Variants in NPAS3 observed in about 807,000 individuals in gnomAD.
NPAS3 encodes neuronal PAS domain-containing protein 3.
In NPAS3, 14 loss-of-function variants were observed where a neutral mutation model predicts 73.1. That is an observed-to-expected ratio of 0.19 (90% CI 0.13 to 0.30). NPAS3 has a LOEUF of 0.30. Ranked by LOEUF, NPAS3 falls within the 10% of genes least tolerant of loss-of-function variation. The pLI is 1.00. For synonymous variants in NPAS3, 620 were observed against 541.5 expected (o/e 1.14, Z -2.01); for missense variants, 1,096 against 1,250.0 (o/e 0.88, Z 1.86).
At chr14:33,207,586 A>C (rs1457237256) in intron 2 of NPAS3, among the ~76,000 whole-genome samples, 1 of 152,218 alleles carries the variant, frequency 6.6e-6, no homozygotes, top group Non-Finnish European at 1.5e-5. Context: ...CTAGTAAACT[A>C]TAGCAGTTTG....
intron 4 of NPAS3, among the ~76,000 whole-genome samples, chr14:33,522,736 G>C (rs574420635): frequency 6.6e-6 from 1 of 151,990 alleles, no homozygotes; most frequent in African/African-American, 2.4e-5. Context: ...TACTCCTTTG[G>C]TTATATGTAT....
chr14:33,168,209 A>G (rs2045241380), intron 2 of NPAS3, among the ~76,000 whole-genome samples: 1 of 152,208 alleles, frequency 6.6e-6, no homozygotes, highest in Non-Finnish European at 1.5e-5. Context: ...ATATGCAAAC[A>G]TTAAAGTTGG....
At position 33,357,138 on chromosome 14, in the gene NPAS3, C is replaced by T. The variant is rs983417842; in HGVS notation, c.386-10048C>T. Among the ~76,000 whole-genome samples the T allele has an allele frequency of 3.9e-5, 6 of 152,262 alleles. 1 individual carries two copies. Among genetic ancestry groups the T allele is most frequent in the Middle Eastern group, 6.8e-3 (2 of 294 alleles). ...TAAGACCTAGCTCCTGCATAGTTACCGTTGAAAATTGTGTGGGCTTTTGTT... is the reference window on the plus strand; with the variant it reads ...TAAGACCTAGCTCCTGCATAGTTACTGTTGAAAATTGTGTGGGCTTTTGTT... On this transcript the variant is annotated intron_variant, in intron 3 of 11. Transcript: ENST00000356141.
Position 33,800,262 on chromosome 14 carries a change from T to C in NPAS3, c.1955T>C (p.Ile652Thr), listed in dbSNP as rs1472508607. 2.0e-5 allele frequency: 32 copies of C among 1,613,198 alleles called. No individual in the cohort carries two copies. Among genetic ancestry groups the C allele is most frequent in the Non-Finnish European group, 2.6e-5 (31 of 1,179,664 alleles). The change falls in exon 12 of 12, where the codon ATC becomes ACC. Residue 652 changes from isoleucine to threonine, a missense_variant. Transcript: ENST00000356141. The surrounding 1 kb of genome is among the most constrained non-coding windows in gnomAD (Gnocchi z 6.5). Reference sequence around the variant, plus strand: ...TCGGTGCTCAAGATCAAGACGGAGATCTCAGAACCCATCAATTTCGACAAT... The same window carrying C: ...TCGGTGCTCAAGATCAAGACGGAGACCTCAGAACCCATCAATTTCGACAAT...
chr14:33,020,464 A>C (rs2039552630), intron 1 of NPAS3, among the ~76,000 whole-genome samples: 1 of 152,218 alleles, frequency 6.6e-6, no homozygotes, highest in African/African-American at 2.4e-5. Context: ...CCAGTGAAAT[A>C]ATTAGCATGA....
chr14:33,689,478 T>C (rs891822876), intron 6 of NPAS3, among the ~76,000 whole-genome samples: 2 of 152,138 alleles, frequency 1.3e-5, no homozygotes, highest in Non-Finnish European at 2.9e-5. Context: ...GATAGGAAAC[T>C]GGCATCTAGG....
At chr14:33,175,896 A>AT in intron 2 of NPAS3, among the ~76,000 whole-genome samples, 1 of 152,306 alleles carries the variant, frequency 6.6e-6, no homozygotes. Flanking sequence ...AATCAATAGT[A>AT]TTTGAGTCTG....
intron 3 of NPAS3, among the ~76,000 whole-genome samples, chr14:33,363,913 C>A (rs2045716197): frequency 1.2e-5 from 1 of 85,288 alleles, no homozygotes; most frequent in African/African-American, 3.9e-5. Context: ...ATTTATTTAG[C>A]AATGCCCTCT....
chr14:33,329,492 C>A (rs1248385628), intron 3 of NPAS3, among the ~76,000 whole-genome samples: 2 of 152,072 alleles, frequency 1.3e-5, no homozygotes, highest in Admixed American at 6.6e-5. Context: ...AGTCTGGAGA[C>A]AAAGCAGCCG....
At chr14:33,724,247 A>G (rs1314597023) in intron 6 of NPAS3, among the ~76,000 whole-genome samples, 1 of 152,208 alleles carries the variant, frequency 6.6e-6, no homozygotes, top group Non-Finnish European at 1.5e-5. Context: ...TAAAAACCCA[A>G]TTAGAAAATA....
chr14:33,316,341 C>T (rs1001765252), intron 3 of NPAS3, among the ~76,000 whole-genome samples: 16 of 151,972 alleles, frequency 1.1e-4, no homozygotes, highest in African/African-American at 1.7e-4. Flanking sequence ...GTGGAAAATA[C>T]GTGAGCAGCA....
chr14:33,348,352 T>C (rs2044849475), intron 3 of NPAS3, among the ~76,000 whole-genome samples: 1 of 152,222 alleles, frequency 6.6e-6, no homozygotes, highest in South Asian at 2.1e-4. Context: ...TTCTTAAGCA[T>C]AGGTAATTTG....
At chr14:33,081,017 A>G (rs1258449387) in intron 2 of NPAS3, among the ~76,000 whole-genome samples, 2 of 152,228 alleles carry the variant, frequency 1.3e-5, no homozygotes, top group African/African-American at 2.4e-5. Flanking sequence ...ACTTGGTTAA[A>G]TAAAACTAGC....
At position 33,215,332 on chromosome 14, in the gene NPAS3, A is replaced by G. The variant is rs200421621; in HGVS notation, c.291A>G (p.Thr97=). ...ACAAGGCATCCATCATTCGACTTAC[A>G]ATTAGCTATCTGAAAATGAGGGACT... Residue 97 remains threonine, a synonymous_variant, in exon 3 of 12, where the codon ACA becomes ACG. Coordinates refer to ENST00000356141, the Ensembl canonical transcript of NPAS3. 12 of 1,589,818 alleles carry G rather than the reference A, an allele frequency of 7.5e-6. No individual in the cohort carries two copies. In the Admixed American group the frequency reaches 1.7e-4, roughly 22 times the overall value.
At chr14:33,466,480 T>G (rs2050530899) in intron 4 of NPAS3, among the ~76,000 whole-genome samples, 2 of 152,252 alleles carry the variant, frequency 1.3e-5, no homozygotes, top group Non-Finnish European at 2.9e-5. Flanking sequence ...AGCAATTGTA[T>G]GCCTTTTGAG....
chr14:33,503,735 C>T (rs746408245), intron 4 of NPAS3, among the ~76,000 whole-genome samples: 1 of 151,934 alleles, frequency 6.6e-6, no homozygotes, highest in Non-Finnish European at 1.5e-5. Flanking sequence ...CAGCCCCTGC[C>T]AGAACAGATG....
intron 2 of NPAS3, among the ~76,000 whole-genome samples, chr14:33,131,077 C>G (rs1316518449): frequency 6.6e-6 from 1 of 152,114 alleles, no homozygotes; most frequent in Non-Finnish European, 1.5e-5. Context: ...ATGAGAGTTC[C>G]CTTGTTGTCC....
intron 4 of NPAS3, among the ~76,000 whole-genome samples, chr14:33,491,935 C>T (rs182964634): frequency 6.2e-4 from 94 of 152,190 alleles, no homozygotes; most frequent in Middle Eastern, 3.4e-3. Context: ...AATTGTTGAC[C>T]GAATTCTTTT....
intron 3 of NPAS3, among the ~76,000 whole-genome samples, chr14:33,281,493 G>A (rs543788299): frequency 6.6e-6 from 1 of 152,190 alleles, no homozygotes; most frequent in East Asian, 1.9e-4. Flanking sequence ...TTAGCCGGGC[G>A]TGGTGGTGCA....
Sources: gnomAD v4.1 joint callset for allele counts (sites outside exome capture counted in the v4.1 genomes callset) on GRCh38, gnomAD v4.1.1 for gene constraint, Gnocchi (gnomAD v3.1) non-coding constraint, MANE v1.5 for transcripts, NCBI Gene and HGNC (gene_info 2026-07-23, HGNC 2026-07-21) for gene names.